MAN2A1: variants seen among roughly 807,000 people sequenced by gnomAD.
MAN2A1 encodes the protein alpha-mannosidase 2.
A neutral mutation model predicts 142.6 loss-of-function variants in MAN2A1; 76 were observed. That is an observed-to-expected ratio of 0.53 (90% CI 0.44 to 0.65). The LOEUF (loss-of-function observed/expected upper bound fraction) is 0.65. Ranked by LOEUF, MAN2A1 falls within the 30% of genes least tolerant of loss-of-function variation. The pLI is 0.00. For synonymous variants in MAN2A1, 559 were observed against 473.2 expected (o/e 1.18, Z -2.35); for missense variants, 1,311 against 1,365.1 (o/e 0.96, Z 0.62).
At chr5:109,833,699 GA>G (rs1159773277) in intron 16 of MAN2A1, among the ~76,000 whole-genome samples, 18 of 148,698 alleles carry the variant, frequency 1.2e-4, no homozygotes, top group African/African-American at 4.3e-4. Context: ...TGGGGAGGGG[GA>G]GGGGGAGGGG....
intron 2 of MAN2A1, among the ~76,000 whole-genome samples, 190 bp downstream of exon 2, chr5:109,713,964 A>G (rs549511646): frequency 5.9e-5 from 9 of 152,100 alleles, no homozygotes; most frequent in African/African-American, 1.7e-4. Flanking sequence ...CCATAATTCT[A>G]TTTCTCTCAG....
chr5:109,773,407 T>G (rs1209781750), intron 7 of MAN2A1, among the ~76,000 whole-genome samples: 1 of 152,190 alleles, frequency 6.6e-6, no homozygotes, highest in African/African-American at 2.4e-5. Context: ...GAAATCTAGT[T>G]GGAGCTCAAT....
At chr5:109,844,915 T>C (rs1755308497) in intron 17 of MAN2A1, among the ~76,000 whole-genome samples, 1 of 152,152 alleles carries the variant, frequency 6.6e-6, no homozygotes, top group Non-Finnish European at 1.5e-5. Context: ...CATTCATGGG[T>C]TGTGGGTGGA....
chr5:109,807,609 C>T (rs1754201313), intron 12 of MAN2A1, among the ~76,000 whole-genome samples: 1 of 152,116 alleles, frequency 6.6e-6, no homozygotes, highest in South Asian at 2.1e-4. Context: ...ACATAGTCTT[C>T]TTCTCTGTTG....
At chr5:109,709,867 A>G (rs1442372267) in intron 1 of MAN2A1, among the ~76,000 whole-genome samples, 1 of 152,120 alleles carries the variant, frequency 6.6e-6, no homozygotes, top group Non-Finnish European at 1.5e-5. Flanking sequence ...CCCTACAGAA[A>G]ATTGTCTTTT....
At chr5:109,716,066 C>A in intron 2 of MAN2A1, 54 bp from the exon 3 acceptor site, 3 of 1,257,818 alleles carry the variant, frequency 2.4e-6, no homozygotes, top group South Asian at 1.3e-5. Flanking sequence ...AAATATTTAC[C>A]AACATTAAAT....
At chr5:109,811,573 C>CGTGTGTATGTGT (rs1258469012) in intron 12 of MAN2A1, among the ~76,000 whole-genome samples, 2 of 144,932 alleles carry the variant, frequency 1.4e-5, no homozygotes, top group Non-Finnish European at 3.0e-5. Context: ...TCCTAACAGC[C>CGTGTGTATGTGT]GTGTGTGTGT....
chr5:109,829,211 C>A (rs1211582994), intron 16 of MAN2A1, among the ~76,000 whole-genome samples: 3 of 151,916 alleles, frequency 2.0e-5, no homozygotes, highest in Non-Finnish European at 4.4e-5. Context: ...AAATGAGTGC[C>A]CATTAAATAT....
chr5:109,771,988 C>T (rs182376559), intron 7 of MAN2A1, among the ~76,000 whole-genome samples: 1 of 152,222 alleles, frequency 6.6e-6, no homozygotes, highest in African/African-American at 2.4e-5. Flanking sequence ...CAACAATTGC[C>T]CCTCAGGATG....
chr5:109,727,629 T>C (rs143723893), intron 3 of MAN2A1, among the ~76,000 whole-genome samples: 1 of 152,234 alleles, frequency 6.6e-6, no homozygotes. Flanking sequence ...ACTTTACAAA[T>C]TGGGTGTTCA....
chr5:109,750,551 TATAAA>T (rs1752518436), intron 4 of MAN2A1, among the ~76,000 whole-genome samples: 1 of 152,104 alleles, frequency 6.6e-6, no homozygotes, highest in Non-Finnish European at 1.5e-5. Flanking sequence ...TGTTCTATCT[TATAAA>T]AGAAACTATG....
rs1240798672 is a variant in MAN2A1, at chr5:109,867,806, T to G, written c.*808T>G. On this transcript the variant is annotated 3_prime_UTR_variant, in exon 22 of 22. Transcript: ENST00000261483. ...AGGTGTTCTGAGAAGGGGTTTCTAT[T>G]TTAAAATTACCATATCAAAATAAAT... is the stretch of plus-strand genomic sequence containing the variant. 4 of 152,272 alleles carry G rather than the reference T, an allele frequency of 2.6e-5. No individual in the cohort carries two copies. The East Asian group carries it at 7.7e-4, about 29-fold the overall frequency. The allele number at this position is 152,272 out of a possible 1,614,324, so 9.4% of individuals were successfully genotyped here.
intron 3 of MAN2A1, among the ~76,000 whole-genome samples, chr5:109,727,439 A>C (rs890914055): frequency 6.6e-6 from 1 of 152,060 alleles, no homozygotes; most frequent in Non-Finnish European, 1.5e-5. Flanking sequence ...TTTTACCTTA[A>C]TTACCTCTTT....
chr5:109,738,508 G>C (rs1260306182), intron 4 of MAN2A1, among the ~76,000 whole-genome samples: 2 of 152,112 alleles, frequency 1.3e-5, no homozygotes, highest in African/African-American at 2.4e-5. Context: ...AGGACAGTCA[G>C]CTTGGTGGTT....
At position 109,868,760 on chromosome 5, in the gene MAN2A1, A is replaced by AG. The variant is rs1318844661; in HGVS notation, c.*1763dup. ...CATATTTTGGGAAAAAACTAAAAAA[A>AG]GAAAAAGGACTTCCTTTTTGTGGAC... On this transcript the variant is annotated 3_prime_UTR_variant, in exon 22 of 22. Coordinates refer to ENST00000261483, the MANE Select transcript of MAN2A1 (RefSeq NM_002372.4). 5 of 152,208 alleles carry AG rather than the reference A, an allele frequency of 3.3e-5. No homozygotes were observed. Among genetic ancestry groups the AG allele is most frequent in the Non-Finnish European group, 7.4e-5 (5 of 68,026 alleles). 9.4% of individuals were successfully genotyped at this position (152,208 alleles called of 1,614,324 possible). A position where few individuals can be genotyped will look rare whatever the true frequency, so the allele number is the denominator to read the frequency against.
chr5:109,753,849 G>A (rs10491358), intron 4 of MAN2A1, among the ~76,000 whole-genome samples: 12,899 of 151,686 alleles, frequency 0.085, 650 homozygotes, highest in African/African-American at 0.15. Flanking sequence ...CCATCTTGTT[G>A]CAGGCTGGCA....
At chr5:109,762,396 C>G (rs1752875979) in intron 5 of MAN2A1, among the ~76,000 whole-genome samples, 1 of 152,044 alleles carries the variant, frequency 6.6e-6, no homozygotes, top group Non-Finnish European at 1.5e-5. Flanking sequence ...TTCTTTTTCT[C>G]TCAAGGAGTT....
chr5:109,736,170 C>G (rs1360215427), intron 4 of MAN2A1, among the ~76,000 whole-genome samples: 1 of 152,084 alleles, frequency 6.6e-6, no homozygotes, highest in Non-Finnish European at 1.5e-5. Flanking sequence ...GATATGCACA[C>G]ATATGCATGC....
chr5:109,747,790 C>T (rs1033731621), intron 4 of MAN2A1, among the ~76,000 whole-genome samples: 1 of 152,126 alleles, frequency 6.6e-6, no homozygotes, highest in African/African-American at 2.4e-5. Context: ...AATCAAAGGG[C>T]AGTATAAGGA....
Sources: gnomAD v4.1 joint callset for allele counts (sites outside exome capture counted in the v4.1 genomes callset) on GRCh38, gnomAD v4.1.1 for gene constraint, MANE v1.5 for transcripts, NCBI Gene and HGNC (gene_info 2026-07-23, HGNC 2026-07-21) for gene names.